Variants in FOXP2 observed in about 807,000 individuals in gnomAD.
FOXP2 encodes forkhead box protein P2.
A neutral mutation model predicts 115.8 loss-of-function variants in FOXP2; 12 were observed. The observed-to-expected ratio is 0.10, with a 90% CI of 0.07 to 0.17. The LOEUF (loss-of-function observed/expected upper bound fraction) is 0.17, where lower values mean the gene tolerates loss of function less well. Among genes scored for constraint, FOXP2 ranks in the 10% least tolerant of loss-of-function variants. The pLI is 1.00. For missense variants in FOXP2, 629 were observed against 843.5 expected (o/e 0.75, Z 3.15); for synonymous variants, 328 against 297.7 (o/e 1.10, Z -1.05).
intron 2 of FOXP2, among the ~76,000 whole-genome samples, chr7:114,407,903 T>C (rs894956213): frequency 6.6e-6 from 1 of 152,170 alleles, no homozygotes; most frequent in Non-Finnish European, 1.5e-5. Context: ...TCTTATATAT[T>C]AGTCCATGTT....
chr7:114,469,537 A>G (rs576443310), intron 2 of FOXP2, among the ~76,000 whole-genome samples: 7 of 152,340 alleles, frequency 4.6e-5, no homozygotes, highest in Admixed American at 4.6e-4. Flanking sequence ...TATGCCTAGA[A>G]TTATAGAAAA....
chr7:114,132,285 A>G (rs1035125639), intron 1 of FOXP2, among the ~76,000 whole-genome samples: 1 of 151,992 alleles, frequency 6.6e-6, no homozygotes, highest in African/African-American at 2.4e-5. Flanking sequence ...TCTTCACATC[A>G]TCATCCACTC....
At chr7:114,623,340 G>A (rs956657469) in intron 3 of FOXP2, among the ~76,000 whole-genome samples, 2 of 151,868 alleles carry the variant, frequency 1.3e-5, no homozygotes, top group African/African-American at 4.8e-5. Flanking sequence ...CAAGCTAGGC[G>A]ATCAAGACTG....
intron 1 of FOXP2, among the ~76,000 whole-genome samples, chr7:114,152,900 C>T (rs1275194033): frequency 6.6e-6 from 1 of 152,162 alleles, no homozygotes; most frequent in Non-Finnish European, 1.5e-5. Context: ...GATTTCCAGG[C>T]ACTGGAGTCG....
rs1342488254 is a variant in FOXP2, at chr7:114,691,712, T to C, written c.*1786T>C. 2.4e-5 allele frequency: 11 copies of C among 454,098 alleles called. 1 individual carries two copies. Among genetic ancestry groups the C allele is most frequent in the Admixed American group, 2.4e-4 (10 of 42,516 alleles). 28.1% of individuals were successfully genotyped at this position (454,098 alleles called of 1,614,324 possible). On this transcript the variant is annotated 3_prime_UTR_variant, in exon 17 of 17. Transcript: ENST00000350908. ...TTATGGTTATTGCTTTACAAACAGT[T>C]TTGACAGAAGGTGGCTGCTAGAGCT...
chr7:114,266,663 A>G (rs541279458), intron 1 of FOXP2, among the ~76,000 whole-genome samples: 1 of 152,306 alleles, frequency 6.6e-6, no homozygotes, highest in Non-Finnish European at 1.5e-5. Context: ...ACTGGGGGTT[A>G]CAATTCAACA....
At chr7:114,468,736 A>G (rs1795917762) in intron 2 of FOXP2, among the ~76,000 whole-genome samples, 1 of 152,144 alleles carries the variant, frequency 6.6e-6, no homozygotes, top group Non-Finnish European at 1.5e-5. Flanking sequence ...TGAATGCATG[A>G]TACAATACAT....
At chr7:114,321,199 A>ATTTC (rs1032979424) in intron 2 of FOXP2, among the ~76,000 whole-genome samples, 8 of 150,294 alleles carry the variant, frequency 5.3e-5, no homozygotes, top group Admixed American at 3.3e-4. Context: ...TTATTTATTT[A>ATTTC]TTTATTTATT....
chr7:114,177,850 C>T (rs1414196842), intron 1 of FOXP2, among the ~76,000 whole-genome samples: 1 of 151,826 alleles, frequency 6.6e-6, no homozygotes, highest in African/African-American at 2.4e-5. Context: ...TTCATGTATA[C>T]AATATATTGT....
chr7:114,158,343 G>T (rs1420093071), upstream of FOXP2, among the ~76,000 whole-genome samples: 1 of 151,938 alleles, frequency 6.6e-6, no homozygotes, highest in Non-Finnish European at 1.5e-5. Context: ...GAGCTTGCAA[G>T]TATTATTTGT....
intron 16 of FOXP2, among the ~76,000 whole-genome samples, chr7:114,684,021 T>C (rs76188259): frequency 0.02 from 3,015 of 152,232 alleles, 77 homozygotes; most frequent in African/African-American, 0.06. Flanking sequence ...CATACCTCTT[T>C]AGTCATTCTT....
chr7:114,195,395 C>A (rs1793877060), intron 1 of FOXP2, among the ~76,000 whole-genome samples: 1 of 152,118 alleles, frequency 6.6e-6, no homozygotes. Flanking sequence ...TTACTTACAG[C>A]TCATTGATAG....
chr7:114,420,735 T>C (rs899798063), intron 1 of FOXP2, among the ~76,000 whole-genome samples: 1 of 151,782 alleles, frequency 6.6e-6, no homozygotes. Context: ...TTCCCTAAGC[T>C]TCCTATCCCC....
chr7:114,678,203 C>G (rs1807879368), intron 16 of FOXP2, among the ~76,000 whole-genome samples: 2 of 151,926 alleles, frequency 1.3e-5, no homozygotes, highest in African/African-American at 4.8e-5. Flanking sequence ...AATATTTCAA[C>G]CTAGTATTGA....
At chr7:114,249,572 C>A (rs1002343528) in intron 1 of FOXP2, among the ~76,000 whole-genome samples, 2 of 152,112 alleles carry the variant, frequency 1.3e-5, no homozygotes, top group African/African-American at 4.8e-5. Context: ...GCATAGTATT[C>A]CATTGTGTGT....
intron 1 of FOXP2, among the ~76,000 whole-genome samples, chr7:114,416,974 C>T (rs1386698084): frequency 3.3e-5 from 5 of 151,704 alleles, no homozygotes; most frequent in Non-Finnish European, 5.9e-5. Flanking sequence ...AAATTATATG[C>T]ATTGAAATAC....
At chr7:114,506,267 G>A (rs895025752) in intron 2 of FOXP2, among the ~76,000 whole-genome samples, 3 of 151,632 alleles carry the variant, frequency 2.0e-5, no homozygotes, top group African/African-American at 2.4e-5. Flanking sequence ...GCAAGATTAC[G>A]TGAATCTGAC....
chr7:114,135,718 T>C (rs1001117898), intron 1 of FOXP2, among the ~76,000 whole-genome samples: 2 of 152,146 alleles, frequency 1.3e-5, no homozygotes, highest in African/African-American at 4.8e-5. Flanking sequence ...ATCTATGATG[T>C]ATTAAATCTG....
At chr7:114,400,751 T>G (rs1792868102) in intron 2 of FOXP2, among the ~76,000 whole-genome samples, 1 of 152,112 alleles carries the variant, frequency 6.6e-6, no homozygotes, top group African/African-American at 2.4e-5. Context: ...GACTTAATGC[T>G]ACCACTGATT....
Sources: gnomAD v4.1 joint callset for allele counts (sites outside exome capture counted in the v4.1 genomes callset) on GRCh38, gnomAD v4.1.1 for gene constraint, MANE v1.5 for transcripts, NCBI Gene and HGNC (gene_info 2026-07-23, HGNC 2026-07-21) for gene names.